The following TRIM72 variants were observed in gnomAD, a reference collection of about 807,000 sequenced individuals.
The protein encoded by TRIM72 is tripartite motif containing 72, also known as tripartite motif-containing protein 72.
TRIM72 carries 33 observed loss-of-function variants against 31.6 expected under a neutral mutation model. That is an observed-to-expected ratio of 1.04 (90% CI 0.79 to 1.40). The LOEUF is 1.40. TRIM72 is among the 40% of genes most tolerant of loss of function. TRIM72 has a pLI of 0.00. For missense variants in TRIM72, 666 were observed against 682.7 expected, an observed-to-expected ratio of 0.98 and a Z score of 0.27; for synonymous variants, 301 against 314.4, an observed-to-expected ratio of 0.96 and a Z score of 0.45.
In TRIM72 at chr16:31,214,915, C is replaced by T. The variant is rs1247992700; in HGVS notation, c.177C>T (p.Pro59=). The change falls in exon 2 of 7, where the codon CCC becomes CCT. Residue 59 remains proline, a synonymous_variant. Coordinates refer to ENST00000322122, the MANE Select transcript of TRIM72 (RefSeq NM_001008274.4). The stretch of plus-strand genomic sequence containing the variant: ...TTCTCTGCCCCTGCTGCCAGGCCCC[C>T]ACGCGGCCGCAGGCACTCAGCACCA... ...GTVLCPCCQA[P]TRPQALSTNL... The T allele has an allele frequency of 9.3e-6, 14 of 1,511,490 alleles. No individual in the cohort carries two copies. Among genetic ancestry groups the T allele is most frequent in the African/African-American group, 1.4e-5 (1 of 69,704 alleles). The allele number at this position is 1,511,490 out of a possible 1,614,324, so 93.6% of individuals were successfully genotyped here.
Position 31,222,809 on chromosome 16 carries a change from T to TCCCCCC in TRIM72, c.741-14_741-13insCCCCCC. 5 of 505,034 alleles carry TCCCCCC rather than the reference T, an allele frequency of 9.9e-6. No homozygotes were observed. Among genetic ancestry groups the TCCCCCC allele is most frequent in the South Asian group, 2.2e-5 (1 of 45,658 alleles). 31.3% of individuals were successfully genotyped at this position (505,034 alleles called of 1,614,324 possible). ...CTCCCCCCTCACACATGCCTCCCCTTCCCCTCCCCACCCCCAGGCTGCAGA... is the reference window on the plus strand; with the variant it reads ...CTCCCCCCTCACACATGCCTCCCCTTCCCCCCCCCCTCCCCACCCCCAGGCTGCAGA... On this transcript the variant is annotated splice_polypyrimidine_tract_variant and intron_variant, in intron 5 of 6. Transcript: ENST00000322122.
chr16:31,222,868 T>G lies in TRIM72; in HGVS notation c.782T>G (p.Leu261Arg). The change falls in exon 6 of 7, where the codon CTG (leucine) becomes CGG (arginine). Residue 261 changes from leucine (L) to arginine (R), a missense_variant. Coordinates refer to ENST00000322122, the MANE Select transcript of TRIM72 (RefSeq NM_001008274.4). ...ILAESPPPAR[L>R]DIQLPIISDD... ...GCAGAGTCTCCCCCACCCGCCCGTC[T>G]GGACATCCAGCTGCCAATTATCTCA... The G allele has an allele frequency of 7.1e-7, 1 of 1,415,148 alleles. No individual in the cohort carries two copies. Among genetic ancestry groups the G allele is most frequent in the Non-Finnish European group, 9.3e-7 (1 of 1,073,462 alleles). The allele number at this position is 1,415,148 out of a possible 1,614,324, so 87.7% of individuals were successfully genotyped here. A position where few individuals can be genotyped will look rare whatever the true frequency, so the allele number is the denominator to read the frequency against.
intron 5 of TRIM72, 81 bp from the exon 6 acceptor site, chr16:31,222,746 C>T (rs925600741): frequency 5.7e-5 from 40 of 696,378 alleles, no homozygotes; most frequent in Middle Eastern, 4.0e-4. Context: ...AGCAGGGGTG[C>T]GATGTGGGGA....
At position 31,228,407 on chromosome 16, in the gene TRIM72, A is replaced by G. The variant is rs2079560584; in HGVS notation, c.*3652A>G. ...TGAACTCTCTGTCATTGCTCAGGCT[A>G]AGGACTGGCCACAGTGAGGGAGGGA... On this transcript the variant is annotated 3_prime_UTR_variant, in exon 7 of 7. Transcript: ENST00000322122. 1 of 152,200 alleles carries G rather than the reference A, an allele frequency of 6.6e-6. No individual in the cohort carries two copies. Among genetic ancestry groups the G allele is most frequent in the African/African-American group, 2.4e-5 (1 of 41,410 alleles). 9.4% of individuals were successfully genotyped at this position (152,200 alleles called of 1,614,324 possible).
In TRIM72 at chr16:31,216,486, A is replaced by C; in HGVS notation, c.390+1358A>C. ...ACCTCGCCCAACCTTGCCCGTCTTT[A>C]TCTGCGAAGAAAGCACAGAACCCAT... On this transcript the variant is annotated intron_variant, in intron 2 of 6. Transcript: ENST00000322122. The surrounding 1 kb of genome is among the most constrained non-coding windows in gnomAD (Gnocchi z 6.7). 2.4e-6 allele frequency: 1 copy of C among 411,506 alleles called. No individual in the cohort carries two copies. The highest frequency in any genetic ancestry group is 8.0e-5 in the South Asian group (1 of 12,430). The allele number at this position is 411,506 out of a possible 1,614,324, so 25.5% of individuals were successfully genotyped here.
intron 1 of TRIM72, 80 bp from the exon 2 acceptor site, chr16:31,214,652 G>A: frequency 1.5e-6 from 2 of 1,363,844 alleles, no homozygotes; most frequent in African/African-American, 1.5e-5. Flanking sequence ...GGCGGGCCCG[G>A]CCTGGGCTAG....
chr16:31,215,156 G>A lies in TRIM72; in HGVS notation c.390+28G>A. On this transcript the variant is annotated intron_variant, in intron 2 of 6. Transcript: ENST00000322122. The surrounding 1 kb of genome is among the most constrained non-coding windows in gnomAD (Gnocchi z 6.3). Reference sequence around the variant, plus strand: ...GCGGGATCCGCGCGCATCGTGGTCGGAGGGGCTGTTCGGTGGCACGGGGCC... The same window carrying A: ...GCGGGATCCGCGCGCATCGTGGTCGAAGGGGCTGTTCGGTGGCACGGGGCC... 7.0e-7 allele frequency: 1 copy of A among 1,430,954 alleles called. No homozygotes were observed. Among genetic ancestry groups the A allele is most frequent in the Non-Finnish European group, 9.1e-7 (1 of 1,101,208 alleles). 88.6% of individuals were successfully genotyped at this position (1,430,954 alleles called of 1,614,324 possible).
At position 31,224,165 on chromosome 16, in the gene TRIM72, G is replaced by C. The variant is rs765240001; in HGVS notation, c.860-16G>C. On this transcript the variant is annotated splice_polypyrimidine_tract_variant and intron_variant, in intron 6 of 6. Transcript: ENST00000322122. ...GGCAGAAACCTAGGGTTTTCTGACC[G>C]TGTTCTCTCTGGCAGCGCTGGAGGA... 2.5e-6 allele frequency: 4 copies of C among 1,599,324 alleles called. No individual in the cohort carries two copies. Among genetic ancestry groups the C allele is most frequent in the Non-Finnish European group, 3.4e-6 (4 of 1,179,316 alleles).
In TRIM72 at chr16:31,224,479, C is replaced by G. The variant is rs772123304; in HGVS notation, c.1158C>G (p.Arg386=). 4 of 1,477,494 alleles carry G rather than the reference C, an allele frequency of 2.7e-6. No individual in the cohort carries two copies. The highest frequency in any genetic ancestry group is 3.6e-6 in the Non-Finnish European group (4 of 1,124,940). The allele number at this position is 1,477,494 out of a possible 1,614,324, so 91.5% of individuals were successfully genotyped here. Residue 386 remains arginine (R), a synonymous_variant, in exon 7 of 7, where the codon CGC becomes CGG. Coordinates refer to ENST00000322122, the MANE Select transcript of TRIM72 (RefSeq NM_001008274.4). ...AGGGCCTGTGGCTGCTGGGGCTGCG[C>G]GAGGGCAAGATCCTGGAGGCACACG... ...PSQGLWLLGL[R]EGKILEAHVE...
At chr16:31,218,763 G>A (rs1489374475) in intron 2 of TRIM72, among the ~76,000 whole-genome samples, 4 of 151,906 alleles carry the variant, frequency 2.6e-5, no homozygotes, top group Non-Finnish European at 4.4e-5. Context: ...GAAGTGAGAG[G>A]GTCAATTAAG....
chr16:31,217,942 C>A (rs1190046596), intron 2 of TRIM72, among the ~76,000 whole-genome samples: 1 of 152,128 alleles, frequency 6.6e-6, no homozygotes, highest in Non-Finnish European at 1.5e-5. Flanking sequence ...AAATTTCCTG[C>A]CCCCTACTCC....
In TRIM72 at chr16:31,215,104, C is replaced by A. The variant is rs2079501347; in HGVS notation, c.366C>A (p.Ala122=). The A allele has an allele frequency of 1.4e-6, 2 of 1,445,896 alleles. No homozygotes were observed. The highest frequency in any genetic ancestry group is 2.7e-5 in the Admixed American group (1 of 37,190). The allele number at this position is 1,445,896 out of a possible 1,614,324, so 89.6% of individuals were successfully genotyped here. The change falls in exon 2 of 7, where the codon GCC becomes GCA. Residue 122 remains alanine, a synonymous_variant. Transcript: ENST00000322122. The surrounding 1 kb of genome is among the most constrained non-coding windows in gnomAD (Gnocchi z 6.3). ...GSHRGHRLLP[A]AEAHARLKTQ... ...ACCGCGGTCATCGCCTCCTGCCTGC[C>A]GCCGAGGCCCACGCACGCCTCAAGG...
At chr16:31,222,767 T>G in intron 5 of TRIM72, 60 bp from the exon 6 acceptor site, 10 of 707,614 alleles carry the variant, frequency 1.4e-5, no homozygotes, top group East Asian at 3.6e-5. Flanking sequence ...GATCCTGGAA[T>G]CCCCCCAGCC....
chr16:31,222,687 C>A, intron 5 of TRIM72, 140 bp from the exon 6 acceptor site: 1 of 562,354 alleles, frequency 1.8e-6, no homozygotes, highest in Non-Finnish European at 3.2e-6. Flanking sequence ...GTGTTTATCT[C>A]CAGAATTTTC....
rs987389914 is a variant in TRIM72, at chr16:31,230,161, AAG to A, written c.*5409_*5410del. The A allele has an allele frequency of 6.6e-6, 1 of 152,216 alleles. No homozygotes were observed. The highest frequency in any genetic ancestry group is 1.5e-5 in the Non-Finnish European group (1 of 68,034). The allele number at this position is 152,216 out of a possible 1,614,324, so 9.4% of individuals were successfully genotyped here. On this transcript the variant is annotated 3_prime_UTR_variant, in exon 7 of 7. Transcript: ENST00000322122. ...AACCCCATTCACCCTGAGGAAGAGA[AAG>A]AGCTAAAGTCCTTTAAAAATTAACT... is the stretch of plus-strand genomic sequence containing the variant.
Position 31,217,031 on chromosome 16 carries a change from C to T in TRIM72, c.390+1903C>T, listed in dbSNP as rs762091328. ...ATGGCCTCGCGCTTCGTTCCCATGG[C>T]TCAGCCCTGCGCCTCTGAGCCTCCG... On this transcript the variant is annotated intron_variant, in intron 2 of 6. Transcript: ENST00000322122. The T allele has an allele frequency of 1.9e-6, 3 of 1,610,136 alleles. No individual in the cohort carries two copies. In the South Asian group the frequency reaches 3.3e-5, roughly 18 times the overall value.
chr16:31,220,932 G>C lies in TRIM72; in HGVS notation c.740+14G>C, dbSNP rs1292471445. The C allele has an allele frequency of 6.2e-7, 1 of 1,614,090 alleles. No individual in the cohort carries two copies. ...GGTGACCAGCAGGTGAGAGCAACCT[G>C]GCCCTGTCCCTTTGCCCGACTTGTC... On this transcript the variant is annotated intron_variant, in intron 5 of 6. Coordinates refer to ENST00000322122, the MANE Select transcript of TRIM72 (RefSeq NM_001008274.4).
At chr16:31,223,834 G>A (rs886731332) in intron 6 of TRIM72, among the ~76,000 whole-genome samples, 2 of 152,140 alleles carry the variant, frequency 1.3e-5, no homozygotes, top group Non-Finnish European at 2.9e-5. Flanking sequence ...CTTGAGCCTG[G>A]GAGTTGGAAG....
At chr16:31,224,057 G>A in intron 6 of TRIM72, 124 bp from the exon 7 acceptor site, 1 of 1,146,356 alleles carries the variant, frequency 8.7e-7, no homozygotes, top group Non-Finnish European at 1.2e-6. Context: ...TGATCTTGTG[G>A]CCCAAGCCCA....
Sources: gnomAD v4.1 joint callset for allele counts (sites outside exome capture counted in the v4.1 genomes callset) on GRCh38, gnomAD v4.1.1 for gene constraint, Gnocchi (gnomAD v3.1) non-coding constraint, MANE v1.5 for transcripts, NCBI Gene and HGNC (gene_info 2026-07-23, HGNC 2026-07-21) for gene names.